Variants in CACNA2D3 observed in about 807,000 individuals in gnomAD.
CACNA2D3 encodes the protein voltage-dependent calcium channel subunit alpha-2/delta-3.
Under a neutral mutation model 160.6 loss-of-function variants are expected in CACNA2D3, and 60 were observed. That is an observed-to-expected ratio of 0.37 (90% CI 0.30 to 0.46). The LOEUF is 0.46. Ranked by LOEUF, CACNA2D3 falls within the 20% of genes least tolerant of loss-of-function variation. CACNA2D3 has a pLI of 1.00. For missense variants in CACNA2D3, 1,205 were observed against 1,365.0 expected (o/e 0.88, Z 1.85); for synonymous variants, 558 against 492.9 (o/e 1.13, Z -1.75).
chr3:54,406,302 C>T lies in CACNA2D3; in HGVS notation c.381+19528C>T, dbSNP rs78978221. 3.2e-3 allele frequency among the ~76,000 whole-genome samples: 491 copies of T among 152,052 alleles called. 5 individuals are homozygous for T. The highest frequency in any genetic ancestry group is 0.011 in the African/African-American group (472 of 41,474). ...ATGATAGAGAAACAACCTAGGTGCC[C>T]ATCAGTGGACTAATGGATAAAGAAA... On this transcript the variant is annotated intron_variant, in intron 4 of 37. Transcript: ENST00000474759.
At chr3:54,559,888 C>CTGCA (rs1559512725) in intron 5 of CACNA2D3, among the ~76,000 whole-genome samples, 1 of 152,162 alleles carries the variant, frequency 6.6e-6, no homozygotes, top group East Asian at 1.9e-4. Context: ...GGATAATGGC[C>CTGCA]TGCAGTTCCA....
chr3:54,611,094 T>C (rs945547290), intron 9 of CACNA2D3, among the ~76,000 whole-genome samples: 3 of 152,194 alleles, frequency 2.0e-5, no homozygotes, highest in African/African-American at 7.2e-5. Flanking sequence ...TTGTCCTAAT[T>C]GAGGGACTCA....
chr3:54,594,706 T>C (rs1702919816), intron 9 of CACNA2D3, among the ~76,000 whole-genome samples: 1 of 152,210 alleles, frequency 6.6e-6, no homozygotes, highest in South Asian at 2.1e-4. Flanking sequence ...AGATAAGAAA[T>C]AATATCAATA....
intron 11 of CACNA2D3, among the ~76,000 whole-genome samples, chr3:54,657,236 T>C (rs1336021269): frequency 1.3e-5 from 2 of 152,170 alleles, no homozygotes; most frequent in African/African-American, 4.8e-5. Flanking sequence ...ACCCGCGGTC[T>C]GGATGTGTAC....
At chr3:54,158,402 G>T (rs527957164) in intron 2 of CACNA2D3, among the ~76,000 whole-genome samples, 1 of 152,266 alleles carries the variant, frequency 6.6e-6, no homozygotes, top group African/African-American at 2.4e-5. Flanking sequence ...GGGGAAAAAA[G>T]GAGCTCATCT....
At chr3:54,413,680 A>G (rs750459585) in intron 4 of CACNA2D3, among the ~76,000 whole-genome samples, 2 of 151,146 alleles carry the variant, frequency 1.3e-5, no homozygotes, top group Non-Finnish European at 3.0e-5. Flanking sequence ...CCAATCTTCC[A>G]TTAAAATCAT....
intron 12 of CACNA2D3, among the ~76,000 whole-genome samples, chr3:54,757,917 G>T (rs1702002936): frequency 6.6e-6 from 1 of 152,224 alleles, no homozygotes; most frequent in Non-Finnish European, 1.5e-5. Flanking sequence ...ATGTAAGGCT[G>T]CTTCTCTTTG....
intron 9 of CACNA2D3, among the ~76,000 whole-genome samples, chr3:54,593,202 A>G (rs1248002084): frequency 6.6e-6 from 1 of 152,234 alleles, no homozygotes; most frequent in African/African-American, 2.4e-5. Flanking sequence ...AACAACCTAC[A>G]TGTAAATAAA....
chr3:54,483,656 G>A (rs1700969542), intron 4 of CACNA2D3, among the ~76,000 whole-genome samples: 1 of 152,102 alleles, frequency 6.6e-6, no homozygotes, highest in African/African-American at 2.4e-5. Flanking sequence ...AATAAATAGG[G>A]AAGTCTGAGA....
At chr3:54,174,225 CTGCTGTAGGATG>C (rs1277725147) in intron 2 of CACNA2D3, among the ~76,000 whole-genome samples, 1 of 152,162 alleles carries the variant, frequency 6.6e-6, no homozygotes, top group Non-Finnish European at 1.5e-5. Context: ...TTGCTGATCC[CTGCTGTAGGATG>C]TGCTAAGTGC....
intron 8 of CACNA2D3, among the ~76,000 whole-genome samples, chr3:54,576,107 G>A (rs62255465): frequency 2.0e-5 from 3 of 152,068 alleles, no homozygotes; most frequent in South Asian, 2.1e-4. Context: ...GTTGAGATGC[G>A]CCCCGAAGCC....
intron 11 of CACNA2D3, among the ~76,000 whole-genome samples, chr3:54,681,571 A>G (rs1437395138): frequency 1.3e-5 from 2 of 151,700 alleles, no homozygotes; most frequent in Non-Finnish European, 2.9e-5. Flanking sequence ...AAAAAAAAAA[A>G]AGAATAGTGA....
At chr3:54,732,345 G>A in intron 11 of CACNA2D3, among the ~76,000 whole-genome samples, 1 of 152,328 alleles carries the variant, frequency 6.6e-6, no homozygotes, top group African/African-American at 2.4e-5. Context: ...TCCAATGAGA[G>A]AAGATGGTCC....
chr3:54,588,978 G>A (rs1575364342), intron 9 of CACNA2D3, among the ~76,000 whole-genome samples: 1 of 151,870 alleles, frequency 6.6e-6, no homozygotes. Flanking sequence ...CTGTGTTTAG[G>A]TTTGATACAA....
At chr3:54,805,991 A>T (rs543097488) in intron 13 of CACNA2D3, among the ~76,000 whole-genome samples, 1 of 152,340 alleles carries the variant, frequency 6.6e-6, no homozygotes, top group South Asian at 2.1e-4. Flanking sequence ...GGCCTTTGAC[A>T]AAATTCAACA....
intron 2 of CACNA2D3, among the ~76,000 whole-genome samples, chr3:54,293,410 C>A (rs924477328): frequency 6.6e-6 from 1 of 152,028 alleles, no homozygotes; most frequent in African/African-American, 2.4e-5. Flanking sequence ...GCCTTTATGT[C>A]CTCATAGCTT....
intron 4 of CACNA2D3, among the ~76,000 whole-genome samples, chr3:54,388,874 G>A (rs1486295055): frequency 6.6e-6 from 1 of 152,056 alleles, no homozygotes; most frequent in Non-Finnish European, 1.5e-5. Context: ...TTTCTCAGAA[G>A]TTCCTGAAGG....
At chr3:54,612,420 G>T (rs1698763987) in intron 9 of CACNA2D3, among the ~76,000 whole-genome samples, 1 of 152,152 alleles carries the variant, frequency 6.6e-6, no homozygotes, top group Non-Finnish European at 1.5e-5. Flanking sequence ...GTGAGCAACA[G>T]AGAAAAAGGC....
At chr3:54,548,598 ACAC>A (rs1246737009) in intron 5 of CACNA2D3, among the ~76,000 whole-genome samples, 1 of 152,178 alleles carries the variant, frequency 6.6e-6, no homozygotes, top group Non-Finnish European at 1.5e-5. Flanking sequence ...CGTTCAGTAG[ACAC>A]CACCTTCTTC....
Sources: allele counts gnomAD v4.1 joint callset (sites outside exome capture counted in the v4.1 genomes callset), GRCh38; gene constraint gnomAD v4.1.1; transcripts MANE v1.5; gene names NCBI Gene and HGNC (gene_info 2026-07-23, HGNC 2026-07-21).